ZNF710: variants seen among roughly 807,000 people sequenced by gnomAD.
The protein encoded by ZNF710 is zinc finger protein 710.
ZNF710 carries 13 observed loss-of-function variants against 50.6 expected under a neutral mutation model. That is an observed-to-expected ratio of 0.26 (90% CI 0.17 to 0.41). ZNF710 has a LOEUF of 0.41. Ranked by LOEUF, ZNF710 falls within the 10% of genes least tolerant of loss-of-function variation. The probability of loss-of-function intolerance (pLI) is 1.00; values close to 1 mark genes in which losing one functional copy is unlikely to be tolerated. For synonymous variants in ZNF710, 383 were observed against 397.0 expected, an observed-to-expected ratio of 0.96 and a Z score of 0.42; for missense variants, 721 against 936.6, an observed-to-expected ratio of 0.77 and a Z score of 3.01.
intron 4 of ZNF710, among the ~76,000 whole-genome samples, chr15:90,077,784 C>T (rs1252322066): frequency 9.9e-5 from 15 of 152,124 alleles, no homozygotes; most frequent in Non-Finnish European, 1.5e-4. Context: ...GGTGTGGTAG[C>T]GCACACCTAT....
At chr15:90,074,401 T>C (rs773101203) in intron 4 of ZNF710, 111 bp downstream of exon 4, 57 of 1,565,322 alleles carry the variant, frequency 3.6e-5, no homozygotes, top group East Asian at 4.7e-5. Context: ...TGAGACTTCG[T>C]TGGGGTGGGC....
At chr15:90,064,269 C>A (rs1900101853) in intron 1 of ZNF710, among the ~76,000 whole-genome samples, 1 of 152,224 alleles carries the variant, frequency 6.6e-6, no homozygotes, top group Non-Finnish European at 1.5e-5. Context: ...GGGCAGGACC[C>A]CTGCCTCATT....
At chr15:90,028,625 T>G (rs371627516) in intron 1 of ZNF710, among the ~76,000 whole-genome samples, 41 of 152,302 alleles carry the variant, frequency 2.7e-4, no homozygotes, top group Middle Eastern at 3.4e-3. Flanking sequence ...AAGTCCCTTC[T>G]GACACCATCA....
At chr15:90,024,026 C>T (rs1054560973) in intron 1 of ZNF710, among the ~76,000 whole-genome samples, 3 of 151,798 alleles carry the variant, frequency 2.0e-5, no homozygotes, top group Non-Finnish European at 4.4e-5. Context: ...AAGGTGGCAA[C>T]CCAGAACACC....
intron 1 of ZNF710, among the ~76,000 whole-genome samples, chr15:90,061,283 G>T (rs1900000002): frequency 6.6e-6 from 1 of 152,064 alleles, no homozygotes; most frequent in Admixed American, 6.5e-5. Context: ...CGATTCTCCT[G>T]CCTCAGCCTC....
Position 90,074,009 on chromosome 15 carries a change from A to AC in ZNF710, c.1651-107_1651-106insC, listed in dbSNP as rs1226206718. On this transcript the variant is annotated intron_variant, in intron 3 of 4. Transcript: ENST00000268154. ...TGTCTCAAAAAAAAAACAAAAAAAA[A>AC]AAACAAAAGAATAGGATTCTGGCCC... 3.2e-6 allele frequency: 4 copies of AC among 1,254,270 alleles called. No individual in the cohort carries two copies. The East Asian group carries it at 8.7e-5, about 27-fold the overall frequency. The allele number at this position is 1,254,270 out of a possible 1,614,324, so 77.7% of individuals were successfully genotyped here.
intron 1 of ZNF710, among the ~76,000 whole-genome samples, chr15:90,037,711 A>G (rs1374636326): frequency 6.6e-6 from 1 of 152,244 alleles, no homozygotes; most frequent in Non-Finnish European, 1.5e-5. Context: ...AGCACTCATA[A>G]GCATCGCAGG....
intron 1 of ZNF710, among the ~76,000 whole-genome samples, chr15:90,004,071 G>C (rs771012978): frequency 4.6e-5 from 7 of 152,176 alleles, no homozygotes; most frequent in Non-Finnish European, 8.8e-5. Flanking sequence ...AGCCCACGGT[G>C]TGTGGTCAGC....
At chr15:89,999,361 G>A (rs903132963), upstream of ZNF710, among the ~76,000 whole-genome samples, 1 of 152,234 alleles carries the variant, frequency 6.6e-6, no homozygotes, top group African/African-American at 2.4e-5. Context: ...CCGGCACGGG[G>A]TAGGTACTCA....
At chr15:90,032,729 G>GATCGCATC (rs1898984945) in intron 1 of ZNF710, among the ~76,000 whole-genome samples, 1 of 147,210 alleles carries the variant, frequency 6.8e-6, no homozygotes, top group East Asian at 2.1e-4. Flanking sequence ...AGTGAGCTGA[G>GATCGCATC]ATTGTGCTAC....
upstream of ZNF710, among the ~76,000 whole-genome samples, chr15:89,999,685 C>T (rs1897971568): frequency 6.6e-6 from 1 of 151,538 alleles, no homozygotes; most frequent in Admixed American, 6.6e-5. Flanking sequence ...GGGCCGTGGC[C>T]TTGGGGCTCT....
At chr15:90,053,816 A>C (rs1171052619) in intron 1 of ZNF710, among the ~76,000 whole-genome samples, 1 of 151,714 alleles carries the variant, frequency 6.6e-6, no homozygotes, top group Non-Finnish European at 1.5e-5. Flanking sequence ...CCCCCAACAC[A>C]CACTTCCCAC....
intron 1 of ZNF710, among the ~76,000 whole-genome samples, chr15:90,060,899 G>A (rs1221798414): frequency 6.6e-6 from 1 of 152,132 alleles, no homozygotes; most frequent in Admixed American, 6.5e-5. Flanking sequence ...TCAGCTGCAG[G>A]GCTGGAGACT....
chr15:90,036,850 C>T (rs534711365), intron 1 of ZNF710, among the ~76,000 whole-genome samples: 11 of 152,300 alleles, frequency 7.2e-5, no homozygotes, highest in South Asian at 6.2e-4. Flanking sequence ...CTGTCTGCCT[C>T]GGTGACCCCA....
At chr15:90,066,859 G>C (rs2151526255) in intron 1 of ZNF710, among the ~76,000 whole-genome samples, 1 of 152,274 alleles carries the variant, frequency 6.6e-6, no homozygotes, top group Non-Finnish European at 1.5e-5. Flanking sequence ...GTACAGATGG[G>C]AAGACTGAGG....
rs1900280926 is a variant in ZNF710, at chr15:90,068,862, G to A, written c.1458+267G>A. 6.6e-6 allele frequency among the ~76,000 whole-genome samples: 1 copy of A among 152,210 alleles called. No homozygotes were observed. The highest frequency in any genetic ancestry group is 1.5e-5 in the Non-Finnish European group (1 of 68,038). ...AATCCCAGCGCTTTGGGAGGCCAAG[G>A]CAGGCAGATTGCTTGAGTCCTGGGG... On this transcript the variant is annotated intron_variant, in intron 2 of 4. Coordinates refer to ENST00000268154, the MANE Select transcript of ZNF710 (RefSeq NM_198526.4). The surrounding 1 kb of genome is among the most constrained non-coding windows in gnomAD (Gnocchi z 5.0).
At chr15:90,066,547 G>T (rs1339689513) in intron 1 of ZNF710, among the ~76,000 whole-genome samples, 1 of 142,984 alleles carries the variant, frequency 7.0e-6, no homozygotes, top group East Asian at 2.1e-4. Flanking sequence ...GCGCGATCTC[G>T]GCTCACTGCA....
intron 1 of ZNF710, among the ~76,000 whole-genome samples, chr15:90,052,204 C>G (rs73486376): frequency 6.6e-6 from 1 of 152,080 alleles, no homozygotes; most frequent in Non-Finnish European, 1.5e-5. Flanking sequence ...TCACACAGCT[C>G]GAGGGCTCCT....
At chr15:90,000,518 C>T (rs1181896017), upstream of ZNF710, among the ~76,000 whole-genome samples, 1 of 152,116 alleles carries the variant, frequency 6.6e-6, no homozygotes, top group Non-Finnish European at 1.5e-5. Context: ...ACCCCGCCAG[C>T]CCGCCGATCC....
Sources: gnomAD v4.1 joint callset for allele counts (sites outside exome capture counted in the v4.1 genomes callset) on GRCh38, gnomAD v4.1.1 for gene constraint, Gnocchi (gnomAD v3.1) non-coding constraint, MANE v1.5 for transcripts, NCBI Gene and HGNC (gene_info 2026-07-23, HGNC 2026-07-21) for gene names.